RMDN2: variants seen among roughly 807,000 people sequenced by gnomAD.
RMDN2 encodes regulator of microtubule dynamics 2, also known as regulator of microtubule dynamics protein 2.
In RMDN2, 61 loss-of-function variants were observed where a neutral mutation model predicts 52.8. The ratio of observed to expected loss-of-function variants is 1.16; its 90% CI spans 0.94 to 1.43. The LOEUF is 1.43. RMDN2 is among the 40% of genes most tolerant of loss of function. The probability of loss-of-function intolerance (pLI) is 0.00; values close to 1 mark genes in which losing one functional copy is unlikely to be tolerated. For missense variants in RMDN2, 592 were observed against 475.3 expected, an observed-to-expected ratio of 1.25 and a Z score of -2.28; for synonymous variants, 180 against 153.1, an observed-to-expected ratio of 1.18 and a Z score of -1.30.
rs1264190286 is a variant in RMDN2 at position 37,932,697 on chromosome 2, C to G, written c.452+2968C>G. ...CTGGCCGGGCGGGGGGCTGACCCCCCCCACCTCCCTCCCGGACGGGGCGGC... is the reference window on the plus strand; with the variant it reads ...CTGGCCGGGCGGGGGGCTGACCCCCGCCACCTCCCTCCCGGACGGGGCGGC... On this transcript the variant is annotated intron_variant, in intron 2 of 10. Coordinates refer to ENST00000354545, the MANE Select transcript of RMDN2 (RefSeq NM_001170791.3). Among the ~76,000 whole-genome samples, 9 of 147,800 alleles carry G rather than the reference C, an allele frequency of 6.1e-5. 1 individual carries two copies. The highest frequency in any genetic ancestry group is 6.0e-4 in the Admixed American group (9 of 15,000).
chr2:37,936,891 A>G (rs1667339956), intron 2 of RMDN2, among the ~76,000 whole-genome samples: 1 of 152,154 alleles, frequency 6.6e-6, no homozygotes, highest in African/African-American at 2.4e-5. Context: ...GGAGCTCTCT[A>G]GTTTAATTAG....
intron 10 of RMDN2, among the ~76,000 whole-genome samples, chr2:38,013,194 T>C (rs1678248486): frequency 6.6e-6 from 1 of 152,242 alleles, no homozygotes; most frequent in Non-Finnish European, 1.5e-5. Flanking sequence ...CTGAATGAAA[T>C]AATGACTTCA....
At chr2:38,051,853 A>T (rs1199226796) in intron 10 of RMDN2, among the ~76,000 whole-genome samples, 1 of 148,082 alleles carries the variant, frequency 6.8e-6, no homozygotes, top group Non-Finnish European at 1.5e-5. Flanking sequence ...AAATGACATG[A>T]TTTTTTTTTT....
chr2:38,060,487 C>T (rs867147720), intron 10 of RMDN2, among the ~76,000 whole-genome samples: 85 of 152,136 alleles, frequency 5.6e-4, no homozygotes, highest in African/African-American at 1.9e-3. Context: ...GATTTGCTTG[C>T]GGGCTGTGGG....
chr2:38,024,917 A>G (rs1352025382), intron 10 of RMDN2, among the ~76,000 whole-genome samples: 2 of 152,088 alleles, frequency 1.3e-5, no homozygotes, highest in Non-Finnish European at 2.9e-5. Flanking sequence ...CCAATACCAC[A>G]TCATGTTGAT....
At chr2:38,025,486 T>C (rs569025448) in intron 10 of RMDN2, among the ~76,000 whole-genome samples, 1 of 152,214 alleles carries the variant, frequency 6.6e-6, no homozygotes, top group South Asian at 2.1e-4. Context: ...TGCCTTATTG[T>C]ACAGGCTAGA....
chr2:38,040,637 A>G (rs1373796342), intron 10 of RMDN2, among the ~76,000 whole-genome samples: 1 of 152,228 alleles, frequency 6.6e-6, no homozygotes, highest in African/African-American at 2.4e-5. Flanking sequence ...ACACACTAAG[A>G]CAGTCCTGAA....
chr2:37,952,275 A>G, intron 2 of RMDN2: 1 of 1,387,054 alleles, frequency 7.2e-7, no homozygotes, highest in Non-Finnish European at 1.0e-6. Flanking sequence ...CATAGCCTGT[A>G]GAATTCATTT....
At chr2:37,977,005 T>C (rs1672558809) in intron 4 of RMDN2, among the ~76,000 whole-genome samples, 2 of 152,100 alleles carry the variant, frequency 1.3e-5, no homozygotes, top group African/African-American at 2.4e-5. Flanking sequence ...CCTTCTGCAG[T>C]GTTTGTGTCC....
At chr2:38,039,091 CACAGAG>C (rs751780756) in intron 10 of RMDN2, among the ~76,000 whole-genome samples, 4,427 of 104,178 alleles carry the variant, frequency 0.042, 145 homozygotes, top group African/African-American at 0.079. Flanking sequence ...CACACACACA[CACAGAG>C]AGAGAGATAA....
intron 2 of RMDN2, among the ~76,000 whole-genome samples, chr2:37,951,031 C>G (rs926663405): frequency 6.6e-6 from 1 of 152,074 alleles, no homozygotes; most frequent in Non-Finnish European, 1.5e-5. Flanking sequence ...ACCTCTTAGA[C>G]TCCCGCATTC....
intron 10 of RMDN2, among the ~76,000 whole-genome samples, chr2:38,024,350 G>T (rs992920279): frequency 6.6e-6 from 1 of 152,014 alleles, no homozygotes; most frequent in East Asian, 1.9e-4. Context: ...TATAAAAAAC[G>T]GTCAAACTGT....
intron 10 of RMDN2, among the ~76,000 whole-genome samples, chr2:38,064,436 G>C (rs1226832942): frequency 2.0e-5 from 2 of 100,576 alleles, no homozygotes; most frequent in African/African-American, 7.6e-5. Context: ...GTTGCAGTGA[G>C]CTGAGATCAT....
At chr2:38,029,414 C>A (rs1248131364) in intron 10 of RMDN2, 1 of 152,124 alleles carries the variant, frequency 6.6e-6, no homozygotes, top group Non-Finnish European at 1.5e-5. Flanking sequence ...CTCTCACCCA[C>A]CTCAAAGCCC....
chr2:37,954,977 T>C (rs1262349821), intron 2 of RMDN2, among the ~76,000 whole-genome samples: 1 of 152,200 alleles, frequency 6.6e-6, no homozygotes, highest in Non-Finnish European at 1.5e-5. Context: ...AATTATTTTT[T>C]TATAATTCTT....
rs76299616 is a variant in RMDN2, at chr2:37,984,781, A to G, written c.791+3438A>G. Among the ~76,000 whole-genome samples, 270 of 152,288 alleles carry G rather than the reference A, an allele frequency of 1.8e-3. 4 individuals carry two copies. The East Asian group carries it at 0.044, about 25-fold the overall frequency. On this transcript the variant is annotated intron_variant, in intron 5 of 10. Coordinates refer to ENST00000354545, the MANE Select transcript of RMDN2 (RefSeq NM_001170791.3). ...CATATGTAGTTAGAATGACCTCTAG[A>G]TGGAGGTAATATACCATGTTGTGAA...
At chr2:37,944,709 G>A (rs1021534518) in intron 2 of RMDN2, among the ~76,000 whole-genome samples, 1 of 152,154 alleles carries the variant, frequency 6.6e-6, no homozygotes, top group Admixed American at 6.5e-5. Context: ...AGGTAAATAT[G>A]TGGACACCAG....
intron 10 of RMDN2, among the ~76,000 whole-genome samples, chr2:38,009,218 G>A (rs921414993): frequency 2.0e-4 from 31 of 152,202 alleles, no homozygotes; most frequent in African/African-American, 3.1e-4. Context: ...TCTTTTTGGC[G>A]TTCTCTGTAT....
At chr2:37,984,167 C>T (rs928856174) in intron 5 of RMDN2, among the ~76,000 whole-genome samples, 2 of 152,164 alleles carry the variant, frequency 1.3e-5, no homozygotes, top group African/African-American at 4.8e-5. Context: ...TTATCTCTAT[C>T]TTTTCTAAAA....
Sources: gnomAD v4.1 joint callset for allele counts (sites outside exome capture counted in the v4.1 genomes callset) on GRCh38, gnomAD v4.1.1 for gene constraint, MANE v1.5 for transcripts, NCBI Gene and HGNC (gene_info 2026-07-23, HGNC 2026-07-21) for gene names.